The following PDZRN4 variants were observed in gnomAD, a reference collection of about 807,000 sequenced individuals.
PDZRN4 encodes the protein PDZ domain-containing RING finger protein 4.
In PDZRN4, 70 loss-of-function variants were observed where a neutral mutation model predicts 99.0. The observed-to-expected ratio is 0.71, with a 90% CI of 0.58 to 0.86. The LOEUF (loss-of-function observed/expected upper bound fraction) is 0.86, where lower values mean the gene tolerates loss of function less well. PDZRN4 is among the 40% of genes least tolerant of loss of function. PDZRN4 has a pLI of 0.00. For missense variants in PDZRN4, 1,474 were observed against 1,331.2 expected (o/e 1.11, Z -1.67); for synonymous variants, 551 against 501.6 (o/e 1.10, Z -1.32).
chr12:41,288,005 A>G (rs370700654), intron 3 of PDZRN4, among the ~76,000 whole-genome samples: 16 of 152,176 alleles, frequency 1.1e-4, no homozygotes, highest in African/African-American at 3.1e-4. Context: ...GAAGCATGTT[A>G]ACAGCTGTCA....
chr12:41,315,420 T>G (rs771877656), intron 3 of PDZRN4, among the ~76,000 whole-genome samples: 1 of 152,170 alleles, frequency 6.6e-6, no homozygotes, highest in Non-Finnish European at 1.5e-5. Flanking sequence ...TTGAATTAAA[T>G]GAAGATGCAT....
chr12:41,390,387 T>G (rs1952201753), intron 3 of PDZRN4, among the ~76,000 whole-genome samples: 1 of 152,104 alleles, frequency 6.6e-6, no homozygotes, highest in Non-Finnish European at 1.5e-5. Context: ...ATTGGGCTGC[T>G]CATTTGTCAT....
intron 3 of PDZRN4, among the ~76,000 whole-genome samples, chr12:41,224,332 AG>A (rs767375390): frequency 9.9e-5 from 15 of 152,222 alleles, no homozygotes; most frequent in Non-Finnish European, 1.8e-4. Flanking sequence ...ACCAATGGCC[AG>A]CTAAAGTGTG....
chr12:41,343,485 A>G (rs1951831018), intron 3 of PDZRN4, among the ~76,000 whole-genome samples: 1 of 151,952 alleles, frequency 6.6e-6, no homozygotes, highest in Non-Finnish European at 1.5e-5. Flanking sequence ...TCATCCATGT[A>G]ACCAATAACT....
At chr12:41,510,195 A>G (rs568332452) in intron 5 of PDZRN4, among the ~76,000 whole-genome samples, 2 of 152,164 alleles carry the variant, frequency 1.3e-5, no homozygotes, top group Non-Finnish European at 2.9e-5. Flanking sequence ...GTTCTATAAT[A>G]TATGTGGATT....
intron 3 of PDZRN4, chr12:41,473,624 A>C (rs1953013632): frequency 1.3e-5 from 2 of 151,708 alleles, no homozygotes; most frequent in Non-Finnish European, 2.9e-5. Context: ...TCAAGCTTGC[A>C]CTCCTGTTGA....
At chr12:41,247,814 G>A (rs1214384933) in intron 3 of PDZRN4, among the ~76,000 whole-genome samples, 1 of 152,140 alleles carries the variant, frequency 6.6e-6, no homozygotes, top group African/African-American at 2.4e-5. Flanking sequence ...TTTCGAACAT[G>A]GGTATTTGGA....
At chr12:41,291,674 G>A (rs1951457439) in intron 3 of PDZRN4, among the ~76,000 whole-genome samples, 1 of 152,152 alleles carries the variant, frequency 6.6e-6, no homozygotes, top group South Asian at 2.1e-4. Context: ...AACTATGTGA[G>A]TCTTGGTTTG....
chr12:41,211,682 T>C (rs575099525), intron 3 of PDZRN4, among the ~76,000 whole-genome samples: 2 of 152,112 alleles, frequency 1.3e-5, no homozygotes, highest in South Asian at 4.1e-4. Context: ...TTGGACTGTT[T>C]AGGCAGGAGG....
At chr12:41,509,303 G>A (rs1216351092) in intron 4 of PDZRN4, among the ~76,000 whole-genome samples, 7 of 152,090 alleles carry the variant, frequency 4.6e-5, no homozygotes, top group Admixed American at 2.6e-4. Flanking sequence ...GGGATCTTAA[G>A]AAAGAGAGGA....
At chr12:41,497,476 A>G (rs1592085122) in intron 3 of PDZRN4, among the ~76,000 whole-genome samples, 1 of 152,236 alleles carries the variant, frequency 6.6e-6, no homozygotes, top group African/African-American at 2.4e-5. Context: ...ATAATCACCT[A>G]CATCAGTTTA....
At chr12:41,386,806 C>G (rs1952173876) in intron 3 of PDZRN4, among the ~76,000 whole-genome samples, 6 of 151,904 alleles carry the variant, frequency 3.9e-5, no homozygotes, top group Admixed American at 3.9e-4. Flanking sequence ...AATAGAAAAC[C>G]CAGAAGTAAG....
intron 3 of PDZRN4, among the ~76,000 whole-genome samples, chr12:41,207,692 C>G (rs1480895065): frequency 6.6e-6 from 1 of 151,718 alleles, no homozygotes; most frequent in Non-Finnish European, 1.5e-5. Context: ...TGCCAACCAC[C>G]AGGCAAATGG....
chr12:41,567,619 T>TA (rs1555154304), intron 8 of PDZRN4, among the ~76,000 whole-genome samples, 164 bp from the exon 9 acceptor site: 2 of 146,228 alleles, frequency 1.4e-5, no homozygotes, highest in African/African-American at 5.0e-5. Flanking sequence ...TTTTTTTTTT[T>TA]ATCACCTTTT....
intron 3 of PDZRN4, chr12:41,460,187 T>G (rs1952857794): frequency 5.3e-5 from 40 of 748,272 alleles, no homozygotes; most frequent in Non-Finnish European, 6.6e-5. Flanking sequence ...AACAAGAGTT[T>G]ATTCCTATAT....
chr12:41,550,251 T>G (rs1939029271), intron 5 of PDZRN4, among the ~76,000 whole-genome samples: 1 of 152,114 alleles, frequency 6.6e-6, no homozygotes, highest in Non-Finnish European at 1.5e-5. Context: ...CTTCCGTGCT[T>G]TGTTAGGGCA....
Position 41,561,294 on chromosome 12 carries a change from T to C in PDZRN4, c.1366-2254T>C, listed in dbSNP as rs747378406. ...TAGCACGAAAGAGTCTTGTCTTTACTAAGGATTAAAATGTAAATGATGATA... is the reference window on the plus strand; with the variant it reads ...TAGCACGAAAGAGTCTTGTCTTTACCAAGGATTAAAATGTAAATGATGATA... On this transcript the variant is annotated intron_variant, in intron 7 of 9. Transcript: ENST00000402685. 9.9e-5 allele frequency among the ~76,000 whole-genome samples: 15 copies of C among 152,134 alleles called. 1 individual carries two copies. Among genetic ancestry groups the C allele is most frequent in the Non-Finnish European group, 1.9e-4 (13 of 68,012 alleles).
At chr12:41,544,593 T>G (rs1938915128) in intron 5 of PDZRN4, among the ~76,000 whole-genome samples, 1 of 152,176 alleles carries the variant, frequency 6.6e-6, no homozygotes, top group African/African-American at 2.4e-5. Context: ...GATAAGGACC[T>G]TCTTAGAGAA....
chr12:41,372,883 A>G (rs757199724), intron 3 of PDZRN4, among the ~76,000 whole-genome samples: 3 of 152,142 alleles, frequency 2.0e-5, no homozygotes, highest in Non-Finnish European at 2.9e-5. Flanking sequence ...GCTTTTACCC[A>G]CCACAGATAT....
Sources: gnomAD v4.1 joint callset for allele counts (sites outside exome capture counted in the v4.1 genomes callset) on GRCh38, gnomAD v4.1.1 for gene constraint, MANE v1.5 for transcripts, NCBI Gene and HGNC (gene_info 2026-07-23, HGNC 2026-07-21) for gene names.